The following PKHD1 variants were observed in gnomAD, a reference collection of about 807,000 sequenced individuals.
PKHD1 encodes the protein fibrocystin.
A neutral mutation model predicts 412.0 loss-of-function variants in PKHD1; 291 were observed. The ratio of observed to expected loss-of-function variants is 0.71; its 90% confidence interval spans 0.64 to 0.78. The LOEUF (loss-of-function observed/expected upper bound fraction) is 0.78, where lower values mean the gene tolerates loss of function less well. Among genes scored for constraint, PKHD1 ranks in the 30% least tolerant of loss-of-function variants. The pLI is 0.00. For missense variants in PKHD1, 4,825 were observed against 4,950.7 expected (o/e 0.97, Z 0.76); for synonymous variants, 1,777 against 1,821.5 (o/e 0.98, Z 0.62).
At chr6:51,804,596 T>C (rs1035085689) in intron 52 of PKHD1, among the ~76,000 whole-genome samples, 4 of 95,302 alleles carry the variant, frequency 4.2e-5, no homozygotes, top group Non-Finnish European at 7.2e-5. Context: ...TAATACACAA[T>C]TGCAAAACTT....
At chr6:51,772,031 C>T (rs1790228698) in intron 55 of PKHD1, among the ~76,000 whole-genome samples, 1 of 152,002 alleles carries the variant, frequency 6.6e-6, no homozygotes, top group Admixed American at 6.6e-5. Flanking sequence ...TGTAACTATT[C>T]CCATATTTTC....
chr6:51,968,274 A>G (rs1159709262), intron 35 of PKHD1, among the ~76,000 whole-genome samples: 3 of 152,328 alleles, frequency 2.0e-5, no homozygotes, highest in South Asian at 4.1e-4. Context: ...AGTTGATTAC[A>G]TTTAGCTCCC....
intron 37 of PKHD1, among the ~76,000 whole-genome samples, chr6:51,925,822 T>C (rs536598969): frequency 5.3e-5 from 8 of 152,012 alleles, no homozygotes; most frequent in African/African-American, 1.2e-4. Flanking sequence ...CTCTCTCTCT[T>C]TTTATCTCTC....
At chr6:51,961,045 C>T (rs1375914868) in intron 35 of PKHD1, among the ~76,000 whole-genome samples, 1 of 152,058 alleles carries the variant, frequency 6.6e-6, no homozygotes, top group Admixed American at 6.6e-5. Flanking sequence ...GCCACTCTCT[C>T]CAGTCTTCTT....
At chr6:51,792,850 C>A (rs988376149) in intron 52 of PKHD1, among the ~76,000 whole-genome samples, 5 of 152,164 alleles carry the variant, frequency 3.3e-5, no homozygotes, top group African/African-American at 1.2e-4. Context: ...CTTTTACACT[C>A]CAGTGACACC....
At chr6:51,839,765 C>T (rs1477002578) in intron 50 of PKHD1, among the ~76,000 whole-genome samples, 1 of 152,040 alleles carries the variant, frequency 6.6e-6, no homozygotes, top group Non-Finnish European at 1.5e-5. Context: ...CCCTATTTCA[C>T]TCTTTCATTC....
At chr6:52,019,918 T>A (rs1407621680) in intron 33 of PKHD1, among the ~76,000 whole-genome samples, 1 of 152,102 alleles carries the variant, frequency 6.6e-6, no homozygotes, top group Non-Finnish European at 1.5e-5. Flanking sequence ...AAAAGCACAT[T>A]TGTAGAGCCC....
chr6:51,649,044 A>AC, intron 62 of PKHD1, 41 bp downstream of exon 62: 1 of 1,588,002 alleles, frequency 6.3e-7, no homozygotes, highest in Non-Finnish European at 8.6e-7. Context: ...GCTACATGCT[A>AC]CTTAGCTCTA....
At chr6:51,787,595 A>G (rs758480812) in intron 53 of PKHD1, among the ~76,000 whole-genome samples, 36 of 152,202 alleles carry the variant, frequency 2.4e-4, no homozygotes, top group Admixed American at 4.6e-4. Context: ...TACACATAGC[A>G]TTGGGCAGAT....
At position 51,906,302 on chromosome 6, in the gene PKHD1, T is replaced by C; in HGVS notation, c.6721A>G (p.Ser2241Gly). 6.2e-7 allele frequency: 1 copy of C among 1,610,104 alleles called. No homozygotes were observed. ...IQGCTVRNSFSRGLSMCGTLG... is the reference protein window; with the variant it reads ...IQGCTVRNSFGRGLSMCGTLG... ...GTCCCGCACATGCTGAGGCCTCTAC[T>C]GAAGGAGTTCCTCACTGTGCAGCCC... Residue 2241 changes from serine (S) to glycine (G), a missense_variant, in exon 41 of 67, where the codon AGT (serine) becomes GGT (glycine). By Grantham distance (56) the Ser-to-Gly change is moderately conservative. Transcript: ENST00000371117.
intron 62 of PKHD1, 54 bp downstream of exon 62, chr6:51,649,031 A>G: frequency 2.6e-6 from 4 of 1,548,490 alleles, no homozygotes; most frequent in Non-Finnish European, 3.6e-6. Context: ...AGATAGGCTG[A>G]ATGCTACATG....
At position 52,026,160 on chromosome 6, in the gene PKHD1, G is replaced by A. The variant is rs756315422; in HGVS notation, c.3650C>T (p.Ser1217Leu). The A allele has an allele frequency of 1.9e-6, 3 of 1,613,984 alleles. No individual in the cohort carries two copies. In the Admixed American group the frequency reaches 5.0e-5, roughly 27 times the overall value. The change falls in exon 32 of 67, where the codon TCA (serine) becomes TTA (leucine). Residue 1217 changes from serine (S) to leucine (L), a missense_variant. By Grantham distance (145) the Ser-to-Leu change is moderately radical. Transcript: ENST00000371117. ...TGGGTCCCTGCTGAAGCCTATTCCT[G>A]AGATGCTGAGGATGGTCCCTCCTAA... ...SLLGGTILSI[S>L]GIGFSRDPAL...
chr6:51,837,578 C>G (rs1769456706), intron 50 of PKHD1, among the ~76,000 whole-genome samples: 6 of 152,002 alleles, frequency 3.9e-5, no homozygotes, highest in Admixed American at 3.9e-4. Context: ...TACTGGTGCA[C>G]TCCTATAATC....
intron 35 of PKHD1, among the ~76,000 whole-genome samples, chr6:51,970,936 G>A (rs1053620790): frequency 6.6e-6 from 1 of 152,122 alleles, no homozygotes; most frequent in Non-Finnish European, 1.5e-5. Flanking sequence ...TAGTTGGGCA[G>A]TTTTTTGGTC....
chr6:51,874,018 G>A (rs1226205435), intron 46 of PKHD1, among the ~76,000 whole-genome samples: 1 of 152,098 alleles, frequency 6.6e-6, no homozygotes, highest in Non-Finnish European at 1.5e-5. Flanking sequence ...AGTATATTGA[G>A]AAGAAAAGGG....
chr6:51,810,468 A>T (rs1582825272), intron 52 of PKHD1, among the ~76,000 whole-genome samples: 1 of 152,190 alleles, frequency 6.6e-6, no homozygotes, highest in African/African-American at 2.4e-5. Flanking sequence ...AAAATAACAG[A>T]GAAATTTTAC....
chr6:51,903,903 C>T (rs1781681574), intron 42 of PKHD1, 83 bp downstream of exon 42: 7 of 856,600 alleles, frequency 8.2e-6, no homozygotes, highest in Non-Finnish European at 1.3e-5. Context: ...AGAGACCTAA[C>T]ATTTTGCCAT....
At chr6:51,695,376 C>G (rs1332815282) in intron 60 of PKHD1, among the ~76,000 whole-genome samples, 1 of 152,000 alleles carries the variant, frequency 6.6e-6, no homozygotes, top group Non-Finnish European at 1.5e-5. Context: ...GCACTTAATA[C>G]TGTTATTCCT....
chr6:51,742,635 C>T (rs965854242), intron 60 of PKHD1, among the ~76,000 whole-genome samples: 3 of 152,088 alleles, frequency 2.0e-5, no homozygotes, highest in African/African-American at 7.2e-5. Flanking sequence ...TACTTATAAT[C>T]CATTCATTTG....
Sources: allele counts gnomAD v4.1 joint callset (sites outside exome capture counted in the v4.1 genomes callset), GRCh38; gene constraint gnomAD v4.1.1; transcripts MANE v1.5; gene names NCBI Gene and HGNC (gene_info 2026-07-23, HGNC 2026-07-21).